The following CDKL3 variants were observed in gnomAD, a reference collection of about 807,000 sequenced individuals.
CDKL3 encodes cyclin-dependent kinase-like 3.
In CDKL3, 65 loss-of-function variants were observed where a neutral mutation model predicts 69.3. The observed-to-expected ratio is 0.94, with a 90% CI of 0.77 to 1.15. CDKL3 has a LOEUF of 1.15. CDKL3 is among the 50% of genes most tolerant of loss of function. The probability of loss-of-function intolerance (pLI) is 0.00; values close to 1 mark genes in which losing one functional copy is unlikely to be tolerated. For synonymous variants in CDKL3, 202 were observed against 221.6 expected (o/e 0.91, Z 0.79); for missense variants, 652 against 689.2 (o/e 0.95, Z 0.61).
At chr5:134,365,309 G>A (rs866450730) in intron 2 of CDKL3, among the ~76,000 whole-genome samples, 4 of 151,764 alleles carry the variant, frequency 2.6e-5, no homozygotes, top group South Asian at 2.1e-4. Flanking sequence ...TAGTAGAGAC[G>A]GGGTTTCACT....
chr5:134,366,061 C>G (rs779070988), intron 2 of CDKL3, among the ~76,000 whole-genome samples: 29 of 152,166 alleles, frequency 1.9e-4, no homozygotes, highest in Non-Finnish European at 3.5e-4. Context: ...TATCTTTTAC[C>G]TCCTTATAGT....
chr5:134,371,571 A>G, upstream of CDKL3: 1 of 1,607,814 alleles, frequency 6.2e-7, no homozygotes, highest in Non-Finnish European at 8.5e-7. Flanking sequence ...TTTTTTTCAG[A>G]CTGACCGCGG....
At chr5:134,355,560 T>C (rs1180015395) in intron 3 of CDKL3, among the ~76,000 whole-genome samples, 1 of 152,214 alleles carries the variant, frequency 6.6e-6, no homozygotes, top group Non-Finnish European at 1.5e-5. Context: ...TATATCGCAA[T>C]TCTGAGATGA....
chr5:134,354,136 C>T (rs974537097), intron 3 of CDKL3, among the ~76,000 whole-genome samples: 2 of 152,188 alleles, frequency 1.3e-5, no homozygotes, highest in Admixed American at 1.3e-4. Flanking sequence ...TCACATCAAT[C>T]TGCACTTCCC....
intron 2 of CDKL3, among the ~76,000 whole-genome samples, chr5:134,365,261 G>T (rs1355816845): frequency 6.6e-6 from 1 of 152,062 alleles, no homozygotes; most frequent in African/African-American, 2.4e-5. Context: ...GGGAGCGTGA[G>T]CCACCGCACC....
chr5:134,304,653 G>A, intron 10 of CDKL3, 86 bp from the exon 11 acceptor site: 1 of 970,478 alleles, frequency 1.0e-6, no homozygotes, highest in Non-Finnish European at 1.5e-6. Context: ...CATTTGGATG[G>A]TATAAGATAG....
chr5:134,350,208 G>C, intron 4 of CDKL3, 41 bp downstream of exon 4: 1 of 1,429,434 alleles, frequency 7.0e-7, no homozygotes, highest in Non-Finnish European at 9.4e-7. Context: ...CAAAAAAAGA[G>C]ATACCTAGGA....
At chr5:134,353,339 A>G (rs1753775976) in intron 3 of CDKL3, among the ~76,000 whole-genome samples, 1 of 152,074 alleles carries the variant, frequency 6.6e-6, no homozygotes, top group African/African-American at 2.4e-5. Flanking sequence ...CACTTACTCC[A>G]TAACGCAAGC....
chr5:134,302,639 G>C lies in CDKL3; in HGVS notation c.1670C>G (p.Ser557Cys). 5 of 1,603,896 alleles carry C rather than the reference G, an allele frequency of 3.1e-6. No homozygotes were observed. The highest frequency in any genetic ancestry group is 4.3e-6 in the Non-Finnish European group (5 of 1,175,184). ...LKRESKKTES[S>C]KIPTLLNVDQ... is the part of the protein sequence containing the mutation. ...CACGTTAAGTAAAGTTGGTATCTTA[G>C]ATGACTCTGTTTTCTTTGACTCCCT... The change falls in exon 12 of 13, where the codon TCT becomes TGT. Residue 557 changes from serine (S) to cysteine (C), a missense_variant. Ser to Cys is a moderately radical substitution (Grantham distance 112). Transcript: ENST00000265334.
upstream of CDKL3, chr5:134,371,185 T>C (rs367568607): frequency 1.5e-5 from 4 of 275,760 alleles, no homozygotes; most frequent in South Asian, 1.4e-4. Context: ...GATGCGTCCC[T>C]CTTTCTCCAC....
chr5:134,299,129 C>T (rs1218378772), intron 12 of CDKL3, among the ~76,000 whole-genome samples: 1 of 152,186 alleles, frequency 6.6e-6, no homozygotes, highest in African/African-American at 2.4e-5. Context: ...GCCTCGGCCA[C>T]CCAAAGTGCT....
intron 4 of CDKL3, among the ~76,000 whole-genome samples, chr5:134,326,491 C>G (rs1474468835): frequency 6.6e-6 from 1 of 151,792 alleles, no homozygotes; most frequent in Non-Finnish European, 1.5e-5. Flanking sequence ...AGACTCGAGC[C>G]TTGATCAGGA....
At chr5:134,362,438 G>GA (rs1756282491) in intron 2 of CDKL3, among the ~76,000 whole-genome samples, 1 of 152,180 alleles carries the variant, frequency 6.6e-6, no homozygotes, top group Admixed American at 6.5e-5. Flanking sequence ...AGAATCGCTT[G>GA]AACCCGGGAG....
intron 10 of CDKL3, 39 bp downstream of exon 10, chr5:134,306,570 A>G (rs763438786): frequency 9.4e-6 from 11 of 1,164,568 alleles, no homozygotes; most frequent in Non-Finnish European, 1.4e-5. Flanking sequence ...AAGTAATGTT[A>G]AAAGAGGCCA....
At chr5:134,355,903 A>G (rs2149625895) in intron 3 of CDKL3, among the ~76,000 whole-genome samples, 1 of 152,300 alleles carries the variant, frequency 6.6e-6, no homozygotes, top group South Asian at 2.1e-4. Context: ...TCACTCATTA[A>G]CTGTATTACA....
At chr5:134,319,132 C>T (rs1772011827) in intron 6 of CDKL3, 1 of 314,152 alleles carries the variant, frequency 3.2e-6, no homozygotes, top group Non-Finnish European at 5.7e-6. Context: ...AGCAGCCTGG[C>T]CAACCACAGC....
At chr5:134,302,470 C>G (rs1766592482) in intron 12 of CDKL3, 120 bp downstream of exon 12, 1 of 626,256 alleles carries the variant, frequency 1.6e-6, no homozygotes. Flanking sequence ...TTCTTTAGTT[C>G]AAAGATTATA....
Position 134,367,122 on chromosome 5 carries a change from G to A in CDKL3, c.-167C>T. On this transcript the variant is annotated 5_prime_UTR_variant, in exon 1 of 13. Transcript: ENST00000265334. ...ACTACTTTGTTGCTCAGCCCCGCAA[G>A]GAACCGGCCACTTGCCACCATGGAA... The A allele has an allele frequency of 1.0e-6, 1 of 985,802 alleles. No homozygotes were observed. Among genetic ancestry groups the A allele is most frequent in the South Asian group, 4.7e-5 (1 of 21,346 alleles). The allele number at this position is 985,802 out of a possible 1,614,324, so 61.1% of individuals were successfully genotyped here.
At chr5:134,303,681 C>T (rs1766970828) in intron 11 of CDKL3, among the ~76,000 whole-genome samples, 1 of 145,222 alleles carries the variant, frequency 6.9e-6, no homozygotes, top group African/African-American at 2.5e-5. Context: ...CCCCCCCCGT[C>T]TCTACTAAAA....
Sources: gnomAD v4.1 joint callset for allele counts (sites outside exome capture counted in the v4.1 genomes callset) on GRCh38, gnomAD v4.1.1 for gene constraint, MANE v1.5 for transcripts, NCBI Gene and HGNC (gene_info 2026-07-23, HGNC 2026-07-21) for gene names.